The following ESR1 variants were observed in gnomAD, a reference collection of about 807,000 sequenced individuals.
The protein encoded by ESR1 is estrogen receptor 1, also known as estrogen receptor.
In ESR1, 12 loss-of-function variants were observed where a neutral mutation model predicts 52.7. The observed-to-expected ratio is 0.23, with a 90% confidence interval of 0.15 to 0.37. The LOEUF is 0.37. Among genes scored for constraint, ESR1 ranks in the 10% least tolerant of loss-of-function variants. ESR1 has a pLI of 1.00. For synonymous variants in ESR1, 305 were observed against 316.8 expected, an observed-to-expected ratio of 0.96 and a Z score of 0.39; for missense variants, 584 against 779.7, an observed-to-expected ratio of 0.75 and a Z score of 2.99.
chr6:151,727,233 G>T (rs1302639050), intron 2 of ESR1, among the ~76,000 whole-genome samples: 1 of 150,318 alleles, frequency 6.7e-6, no homozygotes, highest in African/African-American at 2.5e-5. Context: ...ACAGAGTCTT[G>T]CTCTGTCACC....
intron 2 of ESR1, among the ~76,000 whole-genome samples, chr6:151,702,313 A>G (rs1231881300): frequency 1.3e-5 from 2 of 152,206 alleles, no homozygotes; most frequent in Non-Finnish European, 2.9e-5. Flanking sequence ...CATACTCAAT[A>G]GTCCACTCTA....
chr6:151,711,442 C>T (rs1434213174), intron 2 of ESR1, among the ~76,000 whole-genome samples: 4 of 152,086 alleles, frequency 2.6e-5, no homozygotes, highest in South Asian at 2.1e-4. Flanking sequence ...AGGATGGTCT[C>T]GATCTTCTGA....
Position 152,098,780 on chromosome 6 carries a change from G to A in ESR1, c.1602G>A (p.Val534=), listed in dbSNP as rs2050842740. ...HLYSMKCKNV[V]PLYDLLLEML... is the part of the protein sequence containing the mutation. ...ACAGCATGAAGTGCAAGAACGTGGT[G>A]CCCCTCTATGACCTGCTGCTGGAGA... The change falls in exon 8 of 8, where the codon GTG becomes GTA. Residue 534 remains valine, a synonymous_variant. Transcript: ENST00000206249. This position sits in a 1 kb window ranked among gnomAD's most constrained non-coding sequence, Gnocchi z 5.1. 1 of 1,614,172 alleles carries A rather than the reference G, an allele frequency of 6.2e-7. No individual in the cohort carries two copies.
At chr6:151,953,207 C>A (rs2128561667) in intron 4 of ESR1, among the ~76,000 whole-genome samples, 1 of 152,238 alleles carries the variant, frequency 6.6e-6, no homozygotes, top group East Asian at 1.9e-4. Flanking sequence ...GCTATTTATC[C>A]CCAAACAGTG....
At chr6:151,848,825 G>A (rs1374176606) in intron 2 of ESR1, among the ~76,000 whole-genome samples, 1 of 152,108 alleles carries the variant, frequency 6.6e-6, no homozygotes. Context: ...TGAGTTTACA[G>A]CTCTCAGTGT....
chr6:151,778,491 C>T (rs1483409235), intron 2 of ESR1, among the ~76,000 whole-genome samples: 22 of 151,818 alleles, frequency 1.4e-4, no homozygotes, highest in Non-Finnish European at 2.9e-4. Context: ...TTGCAACCTC[C>T]ACCTCCCAGG....
chr6:151,936,060 T>A (rs923853901), intron 3 of ESR1: 1 of 152,198 alleles, frequency 6.6e-6, no homozygotes, highest in African/African-American at 2.4e-5. Context: ...AGAGTAATAT[T>A]TGCATTGTGA....
intron 6 of ESR1, among the ~76,000 whole-genome samples, chr6:152,076,777 A>AC (rs36083386): frequency 0.21 from 32,059 of 152,034 alleles, 4,760 homozygotes; most frequent in African/African-American, 0.41. Flanking sequence ...GATTTGTGGA[A>AC]TTTGAACTTG....
At chr6:151,905,186 G>A (rs1014826498) in intron 3 of ESR1, among the ~76,000 whole-genome samples, 4 of 152,168 alleles carry the variant, frequency 2.6e-5, no homozygotes, top group Non-Finnish European at 4.4e-5. Context: ...AGAGCTGGTG[G>A]AGGAAACTCA....
intron 2 of ESR1, among the ~76,000 whole-genome samples, chr6:151,705,202 C>T (rs1780096734): frequency 6.6e-6 from 1 of 152,096 alleles, no homozygotes; most frequent in South Asian, 2.1e-4. Flanking sequence ...AGCAGAAAGA[C>T]AACAGGCTAG....
intron 6 of ESR1, among the ~76,000 whole-genome samples, chr6:152,062,020 A>G (rs528658440): frequency 2.0e-4 from 31 of 152,236 alleles, no homozygotes; most frequent in African/African-American, 7.0e-4. Flanking sequence ...TCTCACATAG[A>G]AATCATAGCT....
intron 4 of ESR1, among the ~76,000 whole-genome samples, chr6:151,960,478 G>C (rs1292023825): frequency 6.6e-6 from 1 of 152,148 alleles, no homozygotes; most frequent in Non-Finnish European, 1.5e-5. Context: ...CATGTGGAGG[G>C]AGCAGCATTC....
chr6:152,111,597 A>G (rs185103423), intron 6 of ESR1, among the ~76,000 whole-genome samples: 1 of 152,220 alleles, frequency 6.6e-6, no homozygotes, highest in Non-Finnish European at 1.5e-5. Flanking sequence ...CCCCGGACTC[A>G]ATGGAGTTTA....
intron 2 of ESR1, among the ~76,000 whole-genome samples, chr6:151,877,288 T>C (rs1398562630): frequency 6.6e-6 from 1 of 152,170 alleles, no homozygotes; most frequent in Non-Finnish European, 1.5e-5. Flanking sequence ...TAATAACACA[T>C]ATTGACCAAG....
At chr6:151,685,877 C>A (rs758759874), upstream of ESR1, among the ~76,000 whole-genome samples, 4 of 151,942 alleles carry the variant, frequency 2.6e-5, no homozygotes, top group Non-Finnish European at 5.9e-5. Flanking sequence ...ATTTTAAAAG[C>A]CTTTCTACAG....
chr6:151,910,422 T>C (rs1283167749), intron 3 of ESR1, among the ~76,000 whole-genome samples: 3 of 152,136 alleles, frequency 2.0e-5, no homozygotes, highest in African/African-American at 7.2e-5. Context: ...ACTCTTAGTT[T>C]TGCTATATAT....
intron 6 of ESR1, among the ~76,000 whole-genome samples, chr6:152,089,688 C>T: frequency 6.6e-6 from 1 of 152,162 alleles, no homozygotes. Flanking sequence ...AAGTGATTCT[C>T]CTGCCTCAGC....
chr6:151,891,832 C>G (rs1196046024), intron 3 of ESR1, among the ~76,000 whole-genome samples: 2 of 152,062 alleles, frequency 1.3e-5, no homozygotes, highest in Non-Finnish European at 1.5e-5. Context: ...AAACATCAAT[C>G]ATATGTTGGC....
chr6:152,095,215 T>C (rs1325684233), intron 7 of ESR1, among the ~76,000 whole-genome samples: 1 of 152,190 alleles, frequency 6.6e-6, no homozygotes, highest in Non-Finnish European at 1.5e-5. Context: ...ACCCTTAAGT[T>C]CTCATTGCTT....
Sources: allele counts gnomAD v4.1 joint callset (sites outside exome capture counted in the v4.1 genomes callset), GRCh38; gene constraint gnomAD v4.1.1; non-coding constraint Gnocchi (gnomAD v3.1); transcripts MANE v1.5; gene names NCBI Gene and HGNC (gene_info 2026-07-23, HGNC 2026-07-21).